The following ELOVL7 variants were observed in gnomAD, a reference collection of about 807,000 sequenced individuals.
The protein encoded by ELOVL7 is ELOVL fatty acid elongase 7.
ELOVL7 carries 27 observed loss-of-function variants against 35.7 expected under a neutral mutation model. That is an observed-to-expected ratio of 0.76 (90% CI 0.56 to 1.04). The LOEUF (loss-of-function observed/expected upper bound fraction) is 1.04. ELOVL7 is among the 50% of genes least tolerant of loss of function. The probability of loss-of-function intolerance (pLI) is 0.00; values close to 1 mark genes in which losing one functional copy is unlikely to be tolerated. For missense variants in ELOVL7, 327 were observed against 340.8 expected (o/e 0.96, Z 0.32); for synonymous variants, 113 against 114.6 (o/e 0.99, Z 0.09).
At chr5:60,780,115 T>C (rs1370292149) in intron 3 of ELOVL7, among the ~76,000 whole-genome samples, 2 of 85,792 alleles carry the variant, frequency 2.3e-5, no homozygotes, top group Non-Finnish European at 2.0e-5. Flanking sequence ...AAACTTTCCC[T>C]TTTTTTTTTT....
At chr5:60,786,750 T>G (rs1349724119) in intron 3 of ELOVL7, among the ~76,000 whole-genome samples, 1 of 151,812 alleles carries the variant, frequency 6.6e-6, no homozygotes, top group Non-Finnish European at 1.5e-5. Flanking sequence ...ATCAAGACCA[T>G]CCTAACACAG....
At chr5:60,797,747 A>G (rs956426168) in intron 2 of ELOVL7, among the ~76,000 whole-genome samples, 1 of 152,202 alleles carries the variant, frequency 6.6e-6, no homozygotes, top group African/African-American at 2.4e-5. Context: ...GTGCAAGTGC[A>G]GTACAAGGAC....
chr5:60,773,217 G>A (rs1354822329), intron 3 of ELOVL7, among the ~76,000 whole-genome samples: 1 of 152,206 alleles, frequency 6.6e-6, no homozygotes, highest in East Asian at 1.9e-4. Flanking sequence ...AGGAAAGGAA[G>A]TAAGGACAAG....
chr5:60,785,303 T>A (rs1447722039), intron 3 of ELOVL7, among the ~76,000 whole-genome samples: 1 of 152,218 alleles, frequency 6.6e-6, no homozygotes, highest in East Asian at 1.9e-4. Flanking sequence ...GCAATTTCAA[T>A]GTAGGTATTC....
chr5:60,776,340 A>G (rs1030649989), intron 3 of ELOVL7, among the ~76,000 whole-genome samples: 1 of 152,224 alleles, frequency 6.6e-6, no homozygotes, highest in African/African-American at 2.4e-5. Context: ...AAAAAACTGC[A>G]AATAGAACTA....
At chr5:60,763,785 AGT>A (rs1388222857) in intron 7 of ELOVL7, among the ~76,000 whole-genome samples, 1 of 152,190 alleles carries the variant, frequency 6.6e-6, no homozygotes, top group Non-Finnish European at 1.5e-5. Flanking sequence ...TAGGGGTTAG[AGT>A]GTGTGTCAGC....
Position 60,779,190 on chromosome 5 carries a change from A to G in ELOVL7, c.65-7097T>C, listed in dbSNP as rs1365758470. 2.6e-5 allele frequency among the ~76,000 whole-genome samples: 4 copies of G among 152,096 alleles called. No homozygotes were observed. The East Asian group carries it at 7.7e-4, about 29-fold the overall frequency. On this transcript the variant is annotated intron_variant, in intron 3 of 8. Transcript: ENST00000508821. ...GGAACTGACTGTCTGTGGCTTCTCC[A>G]GGTGCACAGTGCAAGCTGTCAATGG...
chr5:60,765,595 T>C (rs1328513584), intron 6 of ELOVL7, among the ~76,000 whole-genome samples: 1 of 152,130 alleles, frequency 6.6e-6, no homozygotes, highest in Admixed American at 6.5e-5. Context: ...TGAGAACTTG[T>C]TAGAAATGCA....
At chr5:60,771,837 C>T (rs767948822) in intron 4 of ELOVL7, 66 bp downstream of exon 4, 4 of 1,172,428 alleles carry the variant, frequency 3.4e-6, no homozygotes, top group Non-Finnish European at 4.8e-6. Flanking sequence ...TAACAGAAAA[C>T]ATAATGACAC....
At chr5:60,787,462 T>A in intron 2 of ELOVL7, 31 bp from the exon 3 acceptor site, 1 of 1,256,628 alleles carries the variant, frequency 8.0e-7, no homozygotes, top group East Asian at 2.5e-5. Flanking sequence ...AATGAGTTTA[T>A]AATCTATAAA....
intron 8 of ELOVL7, among the ~76,000 whole-genome samples, 175 bp downstream of exon 8, chr5:60,757,334 G>T (rs1235202736): frequency 6.6e-6 from 1 of 152,064 alleles, no homozygotes; most frequent in Non-Finnish European, 1.5e-5. Context: ...GAGCCTCTTG[G>T]TTACCAAAGT....
intron 1 of ELOVL7, among the ~76,000 whole-genome samples, chr5:60,825,374 A>G (rs1012802237): frequency 6.6e-6 from 1 of 152,016 alleles, no homozygotes; most frequent in African/African-American, 2.4e-5. Context: ...CACTCCAACA[A>G]CACGCACTTC....
intron 1 of ELOVL7, among the ~76,000 whole-genome samples, chr5:60,829,906 GA>G (rs1746382311): frequency 1.3e-5 from 2 of 152,156 alleles, no homozygotes; most frequent in African/African-American, 4.8e-5. Context: ...GATGGGTAGG[GA>G]GATAGAAGAG....
At chr5:60,801,341 G>A (rs1196844725) in intron 1 of ELOVL7, among the ~76,000 whole-genome samples, 1 of 152,162 alleles carries the variant, frequency 6.6e-6, no homozygotes, top group Non-Finnish European at 1.5e-5. Flanking sequence ...GAAATAAAAA[G>A]GCATCCAAAT....
At chr5:60,787,179 T>C (rs541872268) in intron 3 of ELOVL7, among the ~76,000 whole-genome samples, 155 bp downstream of exon 3, 1 of 152,312 alleles carries the variant, frequency 6.6e-6, no homozygotes, top group African/African-American at 2.4e-5. Context: ...TGTACATATC[T>C]GTAATGAAAC....
chr5:60,763,465 T>C (rs1484224257), intron 7 of ELOVL7, among the ~76,000 whole-genome samples: 1 of 152,232 alleles, frequency 6.6e-6, no homozygotes, highest in East Asian at 1.9e-4. Flanking sequence ...TTATCAGCTA[T>C]AGGTCTATTT....
Position 60,842,272 on chromosome 5 carries a change from G to A in ELOVL7, c.-86+1888C>T, listed in dbSNP as rs555698203. On this transcript the variant is annotated intron_variant, in intron 1 of 8. Transcript: ENST00000508821. ...AGAAGATATTTAACGAATGGGAGAG[G>A]AATGGCACGGCACCTTGGAGACCAG... Among the ~76,000 whole-genome samples, 16 of 152,190 alleles carry A rather than the reference G, an allele frequency of 1.1e-4. No homozygotes were observed. The South Asian group carries it at 3.1e-3, about 30-fold the overall frequency.
chr5:60,823,492 C>T (rs1267749143), intron 1 of ELOVL7, among the ~76,000 whole-genome samples: 5 of 152,160 alleles, frequency 3.3e-5, no homozygotes, highest in African/African-American at 1.2e-4. Context: ...TACCACAGTG[C>T]CTGGCTTATC....
intron 1 of ELOVL7, among the ~76,000 whole-genome samples, chr5:60,801,886 T>C (rs1437407753): frequency 1.3e-5 from 2 of 151,712 alleles, no homozygotes; most frequent in African/African-American, 4.8e-5. Flanking sequence ...CAGTGGCCTC[T>C]CAGGGGCTCT....
Sources: allele counts gnomAD v4.1 joint callset (sites outside exome capture counted in the v4.1 genomes callset), GRCh38; gene constraint gnomAD v4.1.1; transcripts MANE v1.5; gene names NCBI Gene and HGNC (gene_info 2026-07-23, HGNC 2026-07-21).